Variants in SLC18A2 observed in about 807,000 individuals in gnomAD.
SLC18A2 encodes the protein synaptic vesicular amine transporter.
SLC18A2 carries 33 observed loss-of-function variants against 59.2 expected under a neutral mutation model. The observed-to-expected ratio is 0.56, with a 90% CI of 0.42 to 0.75. The LOEUF (loss-of-function observed/expected upper bound fraction) is 0.75. Among genes scored for constraint, SLC18A2 ranks in the 30% least tolerant of loss-of-function variants. SLC18A2 has a pLI of 0.00. For synonymous variants in SLC18A2, 228 were observed against 253.5 expected (o/e 0.90, Z 0.95); for missense variants, 569 against 668.6 (o/e 0.85, Z 1.64).
In SLC18A2 at chr10:117,241,632, G is replaced by T. The variant is rs950156982; in HGVS notation, c.-15-47G>T. 4.9e-5 allele frequency: 74 copies of T among 1,495,326 alleles called. No homozygotes were observed. In the African/African-American group the frequency reaches 9.4e-4, roughly 19 times the overall value. The allele number at this position is 1,495,326 out of a possible 1,614,324, so 92.6% of individuals were successfully genotyped here. On this transcript the variant is annotated intron_variant, in intron 1 of 15. Coordinates refer to ENST00000644641, the MANE Select transcript of SLC18A2 (RefSeq NM_003054.6). Reference sequence around the variant, plus strand: ...CCGCGGCCTGGGGGACGGGAGAATGGGGGGTCCACGGCCGCCTTGGGTCCT... The same window carrying T: ...CCGCGGCCTGGGGGACGGGAGAATGTGGGGTCCACGGCCGCCTTGGGTCCT...
At chr10:117,264,442 C>T (rs1351147716) in intron 10 of SLC18A2, among the ~76,000 whole-genome samples, 2 of 152,210 alleles carry the variant, frequency 1.3e-5, no homozygotes, top group African/African-American at 4.8e-5. Context: ...TGCCATTGCA[C>T]TCCAGCCTGG....
chr10:117,258,766 C>CTT (rs36039915), intron 10 of SLC18A2, among the ~76,000 whole-genome samples: 1 of 106,128 alleles, frequency 9.4e-6, no homozygotes, highest in Non-Finnish European at 2.0e-5. Context: ...ACCCCCGACT[C>CTT]TTTTTTTTTT....
chr10:117,254,301 G>T, intron 5 of SLC18A2, 104 bp from the exon 6 acceptor site: 1 of 1,213,592 alleles, frequency 8.2e-7, no homozygotes, highest in Non-Finnish European at 1.2e-6. Context: ...AATCTGACAG[G>T]TTTGGGAAGA....
intron 10 of SLC18A2, among the ~76,000 whole-genome samples, chr10:117,259,477 TC>T (rs1358938560): frequency 2.0e-5 from 3 of 152,140 alleles, no homozygotes; most frequent in Admixed American, 2.0e-4. Flanking sequence ...ACTGACTTCC[TC>T]CTTATTGCAG....
intron 10 of SLC18A2, among the ~76,000 whole-genome samples, chr10:117,263,532 C>T (rs1208326767): frequency 6.6e-6 from 1 of 152,198 alleles, no homozygotes; most frequent in Non-Finnish European, 1.5e-5. Flanking sequence ...TGGCAGCCTA[C>T]CCATCTTCCA....
Position 117,255,291 on chromosome 10 carries a change from G to A in SLC18A2, c.715G>A (p.Gly239Arg), listed in dbSNP as rs753745126. 3.7e-6 allele frequency: 6 copies of A among 1,614,180 alleles called. No homozygotes were observed. The highest frequency in any genetic ancestry group is 1.3e-5 in the African/African-American group (1 of 75,056). Reference sequence around the variant, plus strand: ...TCTCCCTGCAGTGGGCCCCCCCTTCGGGAGTGTGCTCTATGAGTTTGTGGG... The same window carrying A: ...TCTCCCTGCAGTGGGCCCCCCCTTCAGGAGTGTGCTCTATGAGTTTGTGGG... ...AMGVLVGPPF[G>R]SVLYEFVGKT... is the part of the protein sequence containing the mutation. Residue 239 changes from glycine (G) to arginine (R), a missense_variant, in exon 7 of 16, where the codon GGG becomes AGG. This residue lies in a region of SLC18A2 where 377 missense variants were observed against 389.8 expected (regional missense o/e 0.97). Transcript: ENST00000644641.
rs558047090 is a variant in SLC18A2, at chr10:117,261,942, C to G, written c.991+4050C>G. On this transcript the variant is annotated intron_variant, in intron 10 of 15. Coordinates refer to ENST00000644641, the MANE Select transcript of SLC18A2 (RefSeq NM_003054.6). ...TTTTTTTTTGAGACGGAGTCTCAGT[C>G]TGTTGCCCAGGCTGGAGTGCAGTGG... Among the ~76,000 whole-genome samples, 74 of 151,966 alleles carry G rather than the reference C, an allele frequency of 4.9e-4. No individual in the cohort carries two copies. The Middle Eastern group carries it at 0.01, about 21-fold the overall frequency.
intron 15 of SLC18A2, among the ~76,000 whole-genome samples, chr10:117,272,295 T>C (rs1214126536): frequency 6.6e-6 from 1 of 152,124 alleles, no homozygotes; most frequent in Admixed American, 6.5e-5. Context: ...TCCTCCTCTG[T>C]GATGTGAGAG....
Position 117,254,746 on chromosome 10 carries a change from G to T in SLC18A2, c.700+249G>T, listed in dbSNP as rs145867329. Reference sequence around the variant, plus strand: ...CCTGGGCCCAGATGGAAAACCAAAGGTTGAACAGGATGGTCTGCCAGACCC... The same window carrying T: ...CCTGGGCCCAGATGGAAAACCAAAGTTTGAACAGGATGGTCTGCCAGACCC... On this transcript the variant is annotated intron_variant, in intron 6 of 15. Transcript: ENST00000644641. Among the ~76,000 whole-genome samples the T allele has an allele frequency of 2.4e-3, 358 of 152,326 alleles. 1 individual carries two copies. The highest frequency in any genetic ancestry group is 8.3e-3 in the African/African-American group (346 of 41,582).
intron 9 of SLC18A2, 104 bp downstream of exon 9, chr10:117,255,761 A>C: frequency 1.0e-6 from 1 of 963,214 alleles, no homozygotes. Flanking sequence ...GCTGCTAGAA[A>C]TGTTGGGCTA....
chr10:117,262,012 A>G lies in SLC18A2; in HGVS notation c.991+4120A>G, dbSNP rs181588017. ...AACCTCTGCCACTCGGGTTCAAGCA[A>G]TTCTCCTGCCTCAGCCTCCTGAGTA... On this transcript the variant is annotated intron_variant, in intron 10 of 15. Coordinates refer to ENST00000644641, the MANE Select transcript of SLC18A2 (RefSeq NM_003054.6). Among the ~76,000 whole-genome samples the G allele has an allele frequency of 3.0e-3, 455 of 152,164 alleles. 3 individuals carry two copies. Among genetic ancestry groups the G allele is most frequent in the African/African-American group, 0.01 (427 of 41,504 alleles).
At chr10:117,256,476 G>A (rs564278148) in intron 9 of SLC18A2, among the ~76,000 whole-genome samples, 124 of 152,304 alleles carry the variant, frequency 8.1e-4, no homozygotes, top group African/African-American at 2.9e-3. Flanking sequence ...GACCCAGTTA[G>A]GGTTAGACTT....
Position 117,269,245 on chromosome 10 carries a change from A to C in SLC18A2, c.1187-826A>C, listed in dbSNP as rs1412059727. 7.1e-6 allele frequency among the ~76,000 whole-genome samples: 1 copy of C among 140,444 alleles called. No individual in the cohort carries two copies. The highest frequency in any genetic ancestry group is 1.7e-5 in the Non-Finnish European group (1 of 60,522). 92.1% of individuals were successfully genotyped at this position (140,444 alleles called of 152,430 possible). On this transcript the variant is annotated intron_variant, in intron 13 of 15. Transcript: ENST00000644641. This position sits in a 1 kb window ranked among gnomAD's most constrained non-coding sequence, Gnocchi z 5.1. ...TACACAAATACAAGTACATACACAA[A>C]CACATATACACAGACACATACACAT...
chr10:117,267,670 C>T lies in SLC18A2; in HGVS notation c.1123-3C>T. On this transcript the variant is annotated splice_polypyrimidine_tract_variant and splice_region_variant and intron_variant, in intron 12 of 15. Transcript: ENST00000644641. ...TTAGCATAATGTTTATTTCCTCTTA[C>T]AGATTCCATTTGCAAAAAACATTTA... The T allele has an allele frequency of 6.4e-7, 1 of 1,560,896 alleles. No individual in the cohort carries two copies. Among genetic ancestry groups the T allele is most frequent in the Non-Finnish European group, 8.8e-7 (1 of 1,138,856 alleles).
Position 117,259,266 on chromosome 10 carries a change from G to A in SLC18A2, c.991+1374G>A, listed in dbSNP as rs141423240. Among the ~76,000 whole-genome samples the A allele has an allele frequency of 3.3e-3, 499 of 152,276 alleles. 2 individuals carry two copies. Among genetic ancestry groups the A allele is most frequent in the African/African-American group, 0.011 (471 of 41,542 alleles). ...TCCTTTCATTTTCTTAATGTTTTATGTAGTGTTTATGAATATATCCACCAA... is the reference window on the plus strand; with the variant it reads ...TCCTTTCATTTTCTTAATGTTTTATATAGTGTTTATGAATATATCCACCAA... On this transcript the variant is annotated intron_variant, in intron 10 of 15. Transcript: ENST00000644641.
intron 3 of SLC18A2, among the ~76,000 whole-genome samples, chr10:117,246,211 G>A (rs916872486): frequency 6.6e-5 from 10 of 152,302 alleles, no homozygotes; most frequent in Non-Finnish European, 1.2e-4. Context: ...GGACATTATC[G>A]TAATAATACC....
At chr10:117,273,278 A>G (rs544640687) in intron 15 of SLC18A2, among the ~76,000 whole-genome samples, 1 of 152,346 alleles carries the variant, frequency 6.6e-6, no homozygotes, top group East Asian at 1.9e-4. Flanking sequence ...CATACAGGAA[A>G]TATCAACATT....
chr10:117,259,065 C>T (rs1844261240), intron 10 of SLC18A2, among the ~76,000 whole-genome samples: 1 of 152,178 alleles, frequency 6.6e-6, no homozygotes, highest in African/African-American at 2.4e-5. Context: ...CACATTTTCC[C>T]ATCTTCTGTC....
At chr10:117,242,596 G>A (rs188287123) in intron 2 of SLC18A2, among the ~76,000 whole-genome samples, 11 of 152,326 alleles carry the variant, frequency 7.2e-5, no homozygotes, top group African/African-American at 2.6e-4. Flanking sequence ...TATCAGAGCC[G>A]TGGAGCTCAT....
Sources: allele counts gnomAD v4.1 joint callset (sites outside exome capture counted in the v4.1 genomes callset), GRCh38; gene constraint gnomAD v4.1.1; regional missense constraint gnomAD v4.1.1; non-coding constraint Gnocchi (gnomAD v3.1); transcripts MANE v1.5; gene names NCBI Gene and HGNC (gene_info 2026-07-23, HGNC 2026-07-21).